Variants in SIPA1L1 observed in about 807,000 individuals in gnomAD.
SIPA1L1 encodes signal induced proliferation associated 1 like 1, also known as signal-induced proliferation-associated 1-like protein 1.
Under a neutral mutation model 162.7 loss-of-function variants are expected in SIPA1L1, and 26 were observed. The ratio of observed to expected loss-of-function variants is 0.16; its 90% confidence interval spans 0.12 to 0.22. The LOEUF (loss-of-function observed/expected upper bound fraction) is 0.22. SIPA1L1 is among the 10% of genes least tolerant of loss of function. The pLI is 1.00. For synonymous variants in SIPA1L1, 829 were observed against 837.4 expected, an observed-to-expected ratio of 0.99 and a Z score of 0.17; for missense variants, 1,874 against 2,241.0, an observed-to-expected ratio of 0.84 and a Z score of 3.31.
chr14:71,456,611 T>C (rs972231262), intron 2 of SIPA1L1, among the ~76,000 whole-genome samples: 1 of 152,198 alleles, frequency 6.6e-6, no homozygotes, highest in Non-Finnish European at 1.5e-5. Flanking sequence ...TGCATCCTTA[T>C]AGTGTTGGCT....
At chr14:71,350,314 A>C (rs937668098) in intron 2 of SIPA1L1, among the ~76,000 whole-genome samples, 2 of 152,108 alleles carry the variant, frequency 1.3e-5, no homozygotes, top group African/African-American at 4.8e-5. Context: ...TGGCTGAGGC[A>C]GGAGAATTGC....
chr14:71,660,116 T>C (rs2043384902), intron 9 of SIPA1L1, among the ~76,000 whole-genome samples: 1 of 152,192 alleles, frequency 6.6e-6, no homozygotes, highest in Non-Finnish European at 1.5e-5. Flanking sequence ...ATGAATAATA[T>C]TACAGAAAAT....
chr14:71,647,793 C>T (rs1418388826), intron 7 of SIPA1L1, among the ~76,000 whole-genome samples: 1 of 152,148 alleles, frequency 6.6e-6, no homozygotes, highest in Non-Finnish European at 1.5e-5. Flanking sequence ...AAACCTTTAC[C>T]TGTGGGAGCG....
intron 7 of SIPA1L1, among the ~76,000 whole-genome samples, chr14:71,629,348 T>G (rs1397752267): frequency 1.3e-5 from 2 of 152,318 alleles, no homozygotes; most frequent in South Asian, 2.1e-4. Flanking sequence ...TTGTTCCTGT[T>G]TTATAGCTAA....
At chr14:71,625,093 C>T (rs2039834815) in intron 7 of SIPA1L1, among the ~76,000 whole-genome samples, 2 of 151,424 alleles carry the variant, frequency 1.3e-5, no homozygotes, top group African/African-American at 4.9e-5. Context: ...TATTTTTTTT[C>T]CCCATTATGT....
chr14:71,697,105 A>G (rs148859957), intron 13 of SIPA1L1, among the ~76,000 whole-genome samples: 50 of 152,228 alleles, frequency 3.3e-4, no homozygotes, highest in African/African-American at 1.2e-3. Flanking sequence ...GGCAAAGGGA[A>G]GCTTTGAATA....
chr14:71,565,362 T>G (rs745455797), intron 4 of SIPA1L1, among the ~76,000 whole-genome samples: 2 of 152,222 alleles, frequency 1.3e-5, no homozygotes, highest in Non-Finnish European at 2.9e-5. Flanking sequence ...TTTCCTTATG[T>G]GCTCTTAATT....
chr14:71,428,374 T>C (rs912066720), intron 2 of SIPA1L1, among the ~76,000 whole-genome samples: 6 of 152,050 alleles, frequency 3.9e-5, no homozygotes, highest in African/African-American at 1.4e-4. Context: ...TTTGCGGTTT[T>C]TTTTTTCTTT....
intron 13 of SIPA1L1, among the ~76,000 whole-genome samples, chr14:71,692,349 A>G (rs1019050474): frequency 6.6e-6 from 1 of 152,192 alleles, no homozygotes; most frequent in Admixed American, 6.5e-5. Flanking sequence ...TCTAAAATTG[A>G]CTCAAAGTGA....
At chr14:71,606,793 T>C (rs942925811) in intron 5 of SIPA1L1, among the ~76,000 whole-genome samples, 3 of 152,156 alleles carry the variant, frequency 2.0e-5, no homozygotes, top group Admixed American at 1.3e-4. Context: ...TATGTCGTTA[T>C]GTAAGATGTT....
chr14:71,551,959 C>T lies in SIPA1L1; in HGVS notation c.-303+22589C>T, dbSNP rs572034275. Among the ~76,000 whole-genome samples the T allele has an allele frequency of 3.3e-5, 5 of 152,270 alleles. No individual in the cohort carries two copies. In the East Asian group the frequency reaches 9.6e-4, roughly 29 times the overall value. ...CAGTTTAAAGTAGCCAGCCAGCCAG[C>T]CACTCTTGATCATATTACTATATTT... is the stretch of plus-strand genomic sequence containing the variant. On this transcript the variant is annotated intron_variant, in intron 4 of 23. Transcript: ENST00000381232.
In SIPA1L1 at chr14:71,740,901, T is replaced by A. The variant is rs756166464; in HGVS notation, c.*1740T>A. ...GAAGTCTTGCTTATCCTTCTGAGTT[T>A]AGTTCTCATTTTGTTTTACATTTTG... On this transcript the variant is annotated 3_prime_UTR_variant, in exon 24 of 24. Transcript: ENST00000381232. The A allele has an allele frequency of 3.3e-5, 5 of 151,850 alleles. No homozygotes were observed. The highest frequency in any genetic ancestry group is 5.9e-5 in the Non-Finnish European group (4 of 68,008). 9.4% of individuals were successfully genotyped at this position (151,850 alleles called of 1,614,324 possible).
At chr14:71,401,443 A>G (rs1161821761) in intron 2 of SIPA1L1, among the ~76,000 whole-genome samples, 1 of 148,484 alleles carries the variant, frequency 6.7e-6, no homozygotes, top group Non-Finnish European at 1.5e-5. Flanking sequence ...ATTTAATTGT[A>G]TGACGTATTT....
intron 2 of SIPA1L1, among the ~76,000 whole-genome samples, chr14:71,446,899 TTTTTTTG>T (rs1401825305): frequency 0.017 from 1,417 of 83,812 alleles, 103 homozygotes; most frequent in African/African-American, 0.078. Flanking sequence ...GCTCTGTTTT[TTTTTTTG>T]TTTTTTTTTT....
intron 2 of SIPA1L1, among the ~76,000 whole-genome samples, chr14:71,371,654 C>T (rs1040738572): frequency 6.6e-6 from 1 of 152,142 alleles, no homozygotes; most frequent in African/African-American, 2.4e-5. Flanking sequence ...CCTGCCTCTG[C>T]CTCCCAAAGT....
chr14:71,705,905 C>T (rs1027358043), intron 16 of SIPA1L1, among the ~76,000 whole-genome samples: 6 of 152,000 alleles, frequency 3.9e-5, no homozygotes, highest in Admixed American at 1.3e-4. Context: ...TTCTCCAACC[C>T]CCCTCTTATT....
chr14:71,567,556 C>A (rs1211260024), intron 4 of SIPA1L1, among the ~76,000 whole-genome samples: 2 of 151,966 alleles, frequency 1.3e-5, no homozygotes, highest in African/African-American at 4.8e-5. Context: ...CTCAATGGAG[C>A]AAACTTATAG....
chr14:71,679,617 C>G (rs1322100834), intron 12 of SIPA1L1, among the ~76,000 whole-genome samples: 2 of 152,102 alleles, frequency 1.3e-5, no homozygotes, highest in Admixed American at 6.6e-5. Flanking sequence ...GCTAAATGCT[C>G]CAATTAAAAG....
At chr14:71,452,959 C>A (rs1267276692) in intron 2 of SIPA1L1, among the ~76,000 whole-genome samples, 1 of 152,162 alleles carries the variant, frequency 6.6e-6, no homozygotes, top group Non-Finnish European at 1.5e-5. Flanking sequence ...AATCTCTAGA[C>A]CCTTCTGTGT....
Sources: allele counts gnomAD v4.1 joint callset (sites outside exome capture counted in the v4.1 genomes callset), GRCh38; gene constraint gnomAD v4.1.1; transcripts MANE v1.5; gene names NCBI Gene and HGNC (gene_info 2026-07-23, HGNC 2026-07-21).